CDH13: variants seen among roughly 807,000 people sequenced by gnomAD.
The protein encoded by CDH13 is cadherin 13, also known as cadherin-13.
Under a neutral mutation model 63.8 loss-of-function variants are expected in CDH13, and 24 were observed. The ratio of observed to expected loss-of-function variants is 0.38; its 90% CI spans 0.27 to 0.53. The LOEUF (loss-of-function observed/expected upper bound fraction) is 0.53. Among genes scored for constraint, CDH13 ranks in the 20% least tolerant of loss-of-function variants. The pLI is 0.85. For missense variants in CDH13, 1,049 were observed against 903.1 expected, an observed-to-expected ratio of 1.16 and a Z score of -2.07; for synonymous variants, 503 against 355.3, an observed-to-expected ratio of 1.42 and a Z score of -4.67.
At chr16:82,810,110 A>C (rs1314631268) in intron 1 of CDH13, among the ~76,000 whole-genome samples, 1 of 152,208 alleles carries the variant, frequency 6.6e-6, no homozygotes, top group Non-Finnish European at 1.5e-5. Flanking sequence ...CATTGATCGA[A>C]GTAAGAAACC....
intron 2 of CDH13, among the ~76,000 whole-genome samples, chr16:82,987,799 T>C (rs1199053771): frequency 6.6e-6 from 1 of 152,230 alleles, no homozygotes; most frequent in African/African-American, 2.4e-5. Flanking sequence ...GTCTGTGGGT[T>C]TTGCTATTGC....
At chr16:82,896,798 T>TTTTTTG (rs1483503244) in intron 2 of CDH13, among the ~76,000 whole-genome samples, 1 of 109,902 alleles carries the variant, frequency 9.1e-6, no homozygotes, top group African/African-American at 3.5e-5. Flanking sequence ...TTTTTTTTTT[T>TTTTTTG]GAGACGGAGT....
intron 6 of CDH13, among the ~76,000 whole-genome samples, chr16:83,473,697 C>T (rs1376684867): frequency 6.6e-6 from 1 of 152,182 alleles, no homozygotes. Flanking sequence ...GAAAATTATC[C>T]TACCTGCAAA....
intron 1 of CDH13, among the ~76,000 whole-genome samples, chr16:82,834,088 G>C (rs1246353599): frequency 6.6e-6 from 1 of 152,128 alleles, no homozygotes; most frequent in African/African-American, 2.4e-5. Flanking sequence ...GATAAGATAT[G>C]ATTGCTTTGT....
chr16:82,892,548 G>C (rs2041116021), intron 2 of CDH13, among the ~76,000 whole-genome samples: 1 of 152,086 alleles, frequency 6.6e-6, no homozygotes, highest in South Asian at 2.1e-4. Flanking sequence ...CACTAGATGT[G>C]TACTTGGAAG....
intron 3 of CDH13, among the ~76,000 whole-genome samples, chr16:83,103,505 C>G (rs2034614834): frequency 6.6e-6 from 1 of 152,084 alleles, no homozygotes; most frequent in Admixed American, 6.6e-5. Context: ...CTCGGCCTCC[C>G]AAAGTACTGA....
rs527843427 is a variant in CDH13, at chr16:82,872,662, G to T, written c.157+14189G>T. On this transcript the variant is annotated intron_variant, in intron 2 of 13. Coordinates refer to ENST00000567109, the MANE Select transcript of CDH13 (RefSeq NM_001257.5). ...CCTTAATGTTGATGGAAATTTTTTT[G>T]GCTTGAGAGCAAAAGGGCAAGAGGT... is the stretch of plus-strand genomic sequence containing the variant. Among the ~76,000 whole-genome samples the T allele has an allele frequency of 4.3e-3, 661 of 152,086 alleles. 2 individuals are homozygous for T. Among genetic ancestry groups the T allele is most frequent in the Non-Finnish European group, 7.1e-3 (483 of 67,974 alleles).
Position 83,285,708 on chromosome 16 carries a change from G to T in CDH13, c.637-59154G>T, listed in dbSNP as rs149811932. Among the ~76,000 whole-genome samples, 12 of 152,264 alleles carry T rather than the reference G, an allele frequency of 7.9e-5. No individual in the cohort carries two copies. The South Asian group carries it at 1.2e-3, about 16-fold the overall frequency. ...TATATAAGAGACTTGAGCATTCCAGGATTTTGGTGTTTGTGGGGGAGGGAT... is the reference window on the plus strand; with the variant it reads ...TATATAAGAGACTTGAGCATTCCAGTATTTTGGTGTTTGTGGGGGAGGGAT... On this transcript the variant is annotated intron_variant, in intron 5 of 13. Transcript: ENST00000567109.
At chr16:82,795,314 G>T (rs542243529) in intron 1 of CDH13, among the ~76,000 whole-genome samples, 1 of 152,188 alleles carries the variant, frequency 6.6e-6, no homozygotes, top group Non-Finnish European at 1.5e-5. Flanking sequence ...TGGACCACCT[G>T]TGTGAGTTAA....
intron 9 of CDH13, among the ~76,000 whole-genome samples, chr16:83,673,761 T>G (rs1291604129): frequency 1.3e-5 from 2 of 152,156 alleles, no homozygotes; most frequent in Non-Finnish European, 2.9e-5. Context: ...TGTCAGAATA[T>G]GAGAGAGAGG....
At chr16:82,851,162 A>G (rs12918477) in intron 1 of CDH13, among the ~76,000 whole-genome samples, 96,879 of 152,014 alleles carry the variant, frequency 0.64, 31,455 homozygotes, top group East Asian at 0.87. Flanking sequence ...AGGGCCAGGT[A>G]CGGTGGCTCA....
chr16:83,053,498 C>T (rs1019778892), intron 3 of CDH13, among the ~76,000 whole-genome samples: 4 of 151,728 alleles, frequency 2.6e-5, no homozygotes, highest in South Asian at 2.1e-4. Context: ...ACATGAGAAC[C>T]CAGGAGCATA....
At chr16:83,320,403 C>G (rs555882618) in intron 5 of CDH13, among the ~76,000 whole-genome samples, 1 of 152,118 alleles carries the variant, frequency 6.6e-6, no homozygotes. Context: ...CAAGACCAAT[C>G]TAGGAAAAGT....
intron 1 of CDH13, among the ~76,000 whole-genome samples, chr16:82,857,563 C>A (rs531497958): frequency 6.6e-6 from 1 of 152,288 alleles, no homozygotes; most frequent in East Asian, 1.9e-4. Flanking sequence ...ATCACGTAAC[C>A]TAAATTTTTG....
Position 82,858,053 on chromosome 16 carries a change from A to G in CDH13, c.46-309A>G, listed in dbSNP as rs17740866. On this transcript the variant is annotated intron_variant, in intron 1 of 13. Coordinates refer to ENST00000567109, the MANE Select transcript of CDH13 (RefSeq NM_001257.5). ...TTAGCTTAGGCATCATGGAAAATTG[A>G]CAGTTTCTGTAATAAAATTTCACAC... Among the ~76,000 whole-genome samples the G allele has an allele frequency of 0.07, 10,672 of 152,278 alleles. 482 individuals carry two copies. Among genetic ancestry groups the G allele is most frequent in the Non-Finnish European group, 0.093 (6,344 of 68,024 alleles).
At chr16:83,790,689 C>T (rs1042558958) in intron 13 of CDH13, among the ~76,000 whole-genome samples, 16 of 152,306 alleles carry the variant, frequency 1.1e-4, no homozygotes, top group African/African-American at 3.8e-4. Flanking sequence ...AGGCGTGAGC[C>T]ACCATGCCTG....
rs565359292 is a variant in CDH13 at position 83,606,943 on chromosome 16, T to C, written c.1101+4349T>C. On this transcript the variant is annotated intron_variant, in intron 8 of 13. Coordinates refer to ENST00000567109, the MANE Select transcript of CDH13 (RefSeq NM_001257.5). ...AAGGAGAACCGGCCACCTGAGTAAATGTCACTTGAAAACTTCCCCAGAAGA... is the reference window on the plus strand; with the variant it reads ...AAGGAGAACCGGCCACCTGAGTAAACGTCACTTGAAAACTTCCCCAGAAGA... 9.3e-4 allele frequency among the ~76,000 whole-genome samples: 141 copies of C among 151,988 alleles called. 1 individual carries two copies. The highest frequency in any genetic ancestry group is 6.8e-3 in the Middle Eastern group (2 of 294).
At chr16:83,072,738 G>A (rs1480571522) in intron 3 of CDH13, among the ~76,000 whole-genome samples, 1 of 152,004 alleles carries the variant, frequency 6.6e-6, no homozygotes, top group Non-Finnish European at 1.5e-5. Flanking sequence ...CTCCCTTTTG[G>A]ACCTCCCTAA....
rs147051411 is a variant in CDH13 at position 82,644,797 on chromosome 16, G to T, written c.45+17660G>T. ...GCAACAGGAGATCACGCAAAGCCAC[G>T]TAAGTGTCTGATTCAGTCCTCCCTG... On this transcript the variant is annotated intron_variant, in intron 1 of 13. Coordinates refer to ENST00000567109, the MANE Select transcript of CDH13 (RefSeq NM_001257.5). The surrounding 1 kb of genome is among the most constrained non-coding windows in gnomAD (Gnocchi z 5.7). Among the ~76,000 whole-genome samples, 2 of 152,160 alleles carry T rather than the reference G, an allele frequency of 1.3e-5. No individual in the cohort carries two copies. Among genetic ancestry groups the T allele is most frequent in the East Asian group, 1.9e-4 (1 of 5,188 alleles).
Sources: gnomAD v4.1 joint callset for allele counts (sites outside exome capture counted in the v4.1 genomes callset) on GRCh38, gnomAD v4.1.1 for gene constraint, Gnocchi (gnomAD v3.1) non-coding constraint, MANE v1.5 for transcripts, NCBI Gene and HGNC (gene_info 2026-07-23, HGNC 2026-07-21) for gene names.